BTBD7: variants seen among roughly 807,000 people sequenced by gnomAD.
The protein encoded by BTBD7 is BTB domain containing 7.
A neutral mutation model predicts 99.9 loss-of-function variants in BTBD7; 38 were observed. That is an observed-to-expected ratio of 0.38 (90% CI 0.29 to 0.50). The LOEUF is 0.50. Among genes scored for constraint, BTBD7 ranks in the 20% least tolerant of loss-of-function variants. BTBD7 has a pLI of 0.93. For synonymous variants in BTBD7, 520 were observed against 511.4 expected, an observed-to-expected ratio of 1.02 and a Z score of -0.23; for missense variants, 1,170 against 1,394.6, an observed-to-expected ratio of 0.84 and a Z score of 2.57.
intron 3 of BTBD7, among the ~76,000 whole-genome samples, chr14:93,278,153 C>T (rs1269179952): frequency 6.6e-6 from 1 of 152,198 alleles, no homozygotes. Context: ...TGGCTCACGC[C>T]TCTAATCCCA....
At chr14:93,276,892 A>ATTTT (rs549579457) in intron 3 of BTBD7, among the ~76,000 whole-genome samples, 3 of 80,368 alleles carry the variant, frequency 3.7e-5, no homozygotes, top group African/African-American at 5.0e-5. Context: ...ACACAGATTA[A>ATTTT]TTTTTTTTTT....
rs1343509907 is a variant in BTBD7, at chr14:93,238,996, C to T, written c.*3277G>A. Reference sequence around the variant, plus strand: ...AAGAATTCACTGAAAAGCCTCAAAGCCTAACGGGTTATTGCGGTGTCAGGC... The same window carrying T: ...AAGAATTCACTGAAAAGCCTCAAAGTCTAACGGGTTATTGCGGTGTCAGGC... On this transcript the variant is annotated 3_prime_UTR_variant, in exon 11 of 11. Coordinates refer to ENST00000334746, the MANE Select transcript of BTBD7 (RefSeq NM_001002860.4). The T allele has an allele frequency of 6.6e-6, 1 of 152,148 alleles. No individual in the cohort carries two copies. The highest frequency in any genetic ancestry group is 2.4e-5 in the African/African-American group (1 of 41,414). 9.4% of individuals were successfully genotyped at this position (152,148 alleles called of 1,614,324 possible). A position where few individuals can be genotyped will look rare whatever the true frequency, so the allele number is the denominator to read the frequency against.
intron 8 of BTBD7, among the ~76,000 whole-genome samples, chr14:93,250,973 C>T (rs1239452151): frequency 1.3e-5 from 2 of 151,630 alleles, no homozygotes; most frequent in Non-Finnish European, 2.9e-5. Flanking sequence ...CTGAGAAATA[C>T]CCTATAGTGA....
chr14:93,268,846 C>T (rs11621189), intron 3 of BTBD7, among the ~76,000 whole-genome samples: 58,501 of 150,386 alleles, frequency 0.39, 12,554 homozygotes, highest in African/African-American at 0.58. Flanking sequence ...ACAACCACCA[C>T]CTCCTGGGTT....
chr14:93,282,265 T>G (rs969324609), intron 3 of BTBD7, among the ~76,000 whole-genome samples: 1 of 152,158 alleles, frequency 6.6e-6, no homozygotes, highest in Non-Finnish European at 1.5e-5. Context: ...CAACTAAAAG[T>G]AAACAGAATT....
At chr14:93,280,208 T>C (rs1186376869) in intron 3 of BTBD7, among the ~76,000 whole-genome samples, 1 of 152,218 alleles carries the variant, frequency 6.6e-6, no homozygotes, top group Non-Finnish European at 1.5e-5. Context: ...TTAGAAAAAC[T>C]TCTGACTGCT....
intron 8 of BTBD7, 114 bp downstream of exon 8, chr14:93,251,349 A>G: frequency 8.7e-7 from 1 of 1,151,274 alleles, no homozygotes; most frequent in Non-Finnish European, 1.2e-6. Context: ...ACAAGGCATA[A>G]AAAGTATTGA....
rs1156433409 is a variant in BTBD7, at chr14:93,268,901, G to A, written c.1163-4908C>T. Reference sequence around the variant, plus strand: ...AGCCTCCTGAGTAGCTGGGATTACAGGCACCCACCATCATGCCCGGCTAAT... The same window carrying A: ...AGCCTCCTGAGTAGCTGGGATTACAAGCACCCACCATCATGCCCGGCTAAT... On this transcript the variant is annotated intron_variant, in intron 3 of 10. Coordinates refer to ENST00000334746, the MANE Select transcript of BTBD7 (RefSeq NM_001002860.4). Among the ~76,000 whole-genome samples, 4 of 152,126 alleles carry A rather than the reference G, an allele frequency of 2.6e-5. No individual in the cohort carries two copies. The East Asian group carries it at 7.8e-4, about 29-fold the overall frequency.
intron 1 of BTBD7, among the ~76,000 whole-genome samples, chr14:93,298,740 A>C (rs956903548): frequency 6.6e-6 from 1 of 152,196 alleles, no homozygotes; most frequent in Admixed American, 6.5e-5. Context: ...AAAGAAAACA[A>C]AATTTAAAAA....
chr14:93,279,844 G>C (rs2052699266), intron 3 of BTBD7, among the ~76,000 whole-genome samples: 1 of 152,178 alleles, frequency 6.6e-6, no homozygotes, highest in African/African-American at 2.4e-5. Context: ...ATGAGTATAG[G>C]AATCATGGTG....
rs1470006990 is a variant in BTBD7, at chr14:93,240,556, A to G, written c.*1717T>C. On this transcript the variant is annotated 3_prime_UTR_variant, in exon 11 of 11. Coordinates refer to ENST00000334746, the MANE Select transcript of BTBD7 (RefSeq NM_001002860.4). ...GTGATTCATAGTTTTTTATATATAT[A>G]CATACATAGAAAAGAGGATCCCAAA... is the stretch of plus-strand genomic sequence containing the variant. The G allele has an allele frequency of 6.6e-6, 1 of 152,618 alleles. No homozygotes were observed. Among genetic ancestry groups the G allele is most frequent in the Non-Finnish European group, 1.5e-5 (1 of 68,034 alleles). 9.5% of individuals were successfully genotyped at this position (152,618 alleles called of 1,614,324 possible).
Position 93,276,892 on chromosome 14 carries a change from A to AT in BTBD7, c.1163-12900dup, listed in dbSNP as rs549579457. 5.4e-3 allele frequency among the ~76,000 whole-genome samples: 438 copies of AT among 80,406 alleles called. 18 individuals carry two copies. Among genetic ancestry groups the AT allele is most frequent in the Middle Eastern group, 0.016 (2 of 122 alleles). 52.7% of individuals were successfully genotyped at this position (80,406 alleles called of 152,430 possible). On this transcript the variant is annotated intron_variant, in intron 3 of 10. Coordinates refer to ENST00000334746, the MANE Select transcript of BTBD7 (RefSeq NM_001002860.4). Reference sequence around the variant, plus strand: ...CCACGACACACACACACACAGATTAATTTTTTTTTTTTTTTTTTTTTTTTT... The same window carrying AT: ...CCACGACACACACACACACAGATTAATTTTTTTTTTTTTTTTTTTTTTTTTT...
chr14:93,331,637 T>C (rs1216978107), intron 1 of BTBD7, among the ~76,000 whole-genome samples: 1 of 152,152 alleles, frequency 6.6e-6, no homozygotes, highest in Non-Finnish European at 1.5e-5. Flanking sequence ...TCCCAGTAGT[T>C]CGGAAGGACG....
chr14:93,312,870 C>A (rs1462968274), intron 1 of BTBD7, among the ~76,000 whole-genome samples: 1 of 149,578 alleles, frequency 6.7e-6, no homozygotes, highest in Non-Finnish European at 1.5e-5. Context: ...TAAAACCCCA[C>A]ATCTCTTTTG....
rs141007299 is a variant in BTBD7, at chr14:93,300,387, A to G, written c.-106-4230T>C. Among the ~76,000 whole-genome samples the G allele has an allele frequency of 5.4e-3, 817 of 150,986 alleles. 12 individuals carry two copies. The highest frequency in any genetic ancestry group is 0.051 in the Middle Eastern group (15 of 292). On this transcript the variant is annotated intron_variant, in intron 1 of 10. Coordinates refer to ENST00000334746, the MANE Select transcript of BTBD7 (RefSeq NM_001002860.4). ...ATTTTCCTGCCCCACCCTCCTGAGT[A>G]GCTAGGATTACAGGTGTGTGTCACC...
At chr14:93,316,129 T>C (rs1279467123) in intron 1 of BTBD7, among the ~76,000 whole-genome samples, 1 of 151,936 alleles carries the variant, frequency 6.6e-6, no homozygotes, top group Non-Finnish European at 1.5e-5. Flanking sequence ...TTTTTTTGTA[T>C]TTTTAGTAGA....
intron 8 of BTBD7, among the ~76,000 whole-genome samples, chr14:93,251,201 G>C (rs2052364141): frequency 6.6e-6 from 1 of 152,200 alleles, no homozygotes; most frequent in African/African-American, 2.4e-5. Flanking sequence ...TCCATTAACA[G>C]AATAATCCAG....
chr14:93,287,924 G>T (rs571025990), intron 3 of BTBD7: 1 of 152,268 alleles, frequency 6.6e-6, no homozygotes, highest in Non-Finnish European at 1.5e-5. Flanking sequence ...GTTTTTCGAG[G>T]TATGACTGAA....
chr14:93,315,160 G>A (rs1301104461), intron 1 of BTBD7, among the ~76,000 whole-genome samples: 1 of 152,118 alleles, frequency 6.6e-6, no homozygotes, highest in East Asian at 1.9e-4. Flanking sequence ...CAATATTTGA[G>A]AAAGTGCTTT....
Sources: gnomAD v4.1 joint callset for allele counts (sites outside exome capture counted in the v4.1 genomes callset) on GRCh38, gnomAD v4.1.1 for gene constraint, MANE v1.5 for transcripts, NCBI Gene and HGNC (gene_info 2026-07-23, HGNC 2026-07-21) for gene names.